The following CKAP2L variants were observed in gnomAD, a reference collection of about 807,000 sequenced individuals.
The protein encoded by CKAP2L is cytoskeleton associated protein 2L, also known as cytoskeleton-associated protein 2-like.
Under a neutral mutation model 65.7 loss-of-function variants are expected in CKAP2L, and 42 were observed. The ratio of observed to expected loss-of-function variants is 0.64; its 90% CI spans 0.50 to 0.83. The LOEUF is 0.83. Among genes scored for constraint, CKAP2L ranks in the 40% least tolerant of loss-of-function variants. The probability of loss-of-function intolerance (pLI) is 0.00; values close to 1 mark genes in which losing one functional copy is unlikely to be tolerated. For missense variants in CKAP2L, 908 were observed against 871.0 expected (o/e 1.04, Z -0.53); for synonymous variants, 325 against 313.5 (o/e 1.04, Z -0.39).
In CKAP2L at chr2:112,764,496, G is replaced by A. The variant is rs1396411557; in HGVS notation, c.37+66C>T. On this transcript the variant is annotated intron_variant, in intron 1 of 8. Coordinates refer to ENST00000302450, the MANE Select transcript of CKAP2L (RefSeq NM_152515.5). ...ACCTCCCGCGGGACGAACTCACTCG[G>A]TGGCCTCCTACTTCCCCGGCCGTGT... The A allele has an allele frequency of 1.9e-6, 3 of 1,552,406 alleles. No individual in the cohort carries two copies. The Admixed American group carries it at 5.0e-5, about 26-fold the overall frequency.
chr2:112,741,333 G>C (rs1377543980), intron 7 of CKAP2L, among the ~76,000 whole-genome samples: 1 of 151,826 alleles, frequency 6.6e-6, no homozygotes, highest in African/African-American at 2.4e-5. Context: ...CTAATCACTG[G>C]CCTTCTACCC....
At chr2:112,762,785 C>CT (rs78440426) in intron 1 of CKAP2L, among the ~76,000 whole-genome samples, 2,163 of 142,294 alleles carry the variant, frequency 0.015, 44 homozygotes, top group African/African-American at 0.049. Context: ...AAACTTACTA[C>CT]TTTTTTTTTT....
At chr2:112,740,342 AT>A (rs1679831063) in intron 8 of CKAP2L, among the ~76,000 whole-genome samples, 1 of 152,196 alleles carries the variant, frequency 6.6e-6, no homozygotes, top group South Asian at 2.1e-4. Context: ...CTACACTCAC[AT>A]TTTAGAAAAT....
intron 5 of CKAP2L, among the ~76,000 whole-genome samples, chr2:112,750,628 T>A (rs1256770154): frequency 6.6e-6 from 1 of 152,176 alleles, no homozygotes; most frequent in African/African-American, 2.4e-5. Context: ...AGGCTCCACC[T>A]CTAGAGAACC....
intron 5 of CKAP2L, among the ~76,000 whole-genome samples, chr2:112,751,032 T>A (rs1680358451): frequency 6.6e-6 from 1 of 152,102 alleles, no homozygotes; most frequent in Non-Finnish European, 1.5e-5. Flanking sequence ...TAAAGTTGAC[T>A]CAAGATATAT....
Position 112,756,638 on chromosome 2 carries a change from A to C in CKAP2L, c.733T>G (p.Phe245Val), listed in dbSNP as rs779886328. ...AVLKDRVNKQ[F>V]VGETQSRTFP... Reference sequence around the variant, plus strand: ...GTCCTGCTTTGTGTTTCTCCAACAAATTGTTTATTAACCCTATCTTTCAGA... The same window carrying C: ...GTCCTGCTTTGTGTTTCTCCAACAACTTGTTTATTAACCCTATCTTTCAGA... The change falls in exon 4 of 9, where the codon TTT becomes GTT. Residue 245 changes from phenylalanine to valine, a missense_variant. Transcript: ENST00000302450. The C allele has an allele frequency of 1.2e-5, 20 of 1,610,630 alleles. No homozygotes were observed. In the East Asian group the frequency reaches 4.5e-4, roughly 36 times the overall value.
At chr2:112,759,956 T>C (rs567619322) in intron 3 of CKAP2L, among the ~76,000 whole-genome samples, 2 of 152,208 alleles carry the variant, frequency 1.3e-5, no homozygotes, top group East Asian at 1.9e-4. Context: ...TGAAGTGATT[T>C]GGTGAATCAT....
At chr2:112,760,521 TAAAAC>T (rs1366565284) in intron 3 of CKAP2L, among the ~76,000 whole-genome samples, 187 bp downstream of exon 3, 1 of 152,208 alleles carries the variant, frequency 6.6e-6, no homozygotes, top group East Asian at 1.9e-4. Context: ...TCTTGGTTAA[TAAAAC>T]TAAACTACTT....
In CKAP2L at chr2:112,757,140, T is replaced by C; in HGVS notation, c.231A>G (p.Lys77=). Residue 77 remains lysine, a synonymous_variant, in exon 4 of 9, where the codon AAA becomes AAG. Coordinates refer to ENST00000302450, the MANE Select transcript of CKAP2L (RefSeq NM_152515.5). The part of the protein sequence containing the change: ...PVKPKRSISI[K]LQPRPPNTAG... The stretch of plus-strand genomic sequence containing the variant: ...CAGTATTAGGTGGTCTGGGCTGGAG[T>C]TTAATGCTGATGGACCTTTTAGGTT... 1 of 1,614,068 alleles carries C rather than the reference T, an allele frequency of 6.2e-7. No individual in the cohort carries two copies. The highest frequency in any genetic ancestry group is 8.5e-7 in the Non-Finnish European group (1 of 1,179,990).
intron 6 of CKAP2L, among the ~76,000 whole-genome samples, chr2:112,743,343 C>T (rs1412457924): frequency 4.6e-5 from 7 of 151,866 alleles, no homozygotes; most frequent in Admixed American, 1.3e-4. Flanking sequence ...GGGGTTTTAC[C>T]GTGTTAGCCA....
At chr2:112,761,164 C>A (rs1014896611) in intron 2 of CKAP2L, among the ~76,000 whole-genome samples, 3 of 152,054 alleles carry the variant, frequency 2.0e-5, no homozygotes, top group African/African-American at 7.2e-5. Context: ...TTAACTGCTT[C>A]TTTAAAAAAT....
In CKAP2L at chr2:112,752,314, T is replaced by C. The variant is rs36046436; in HGVS notation, c.1555A>G (p.Ser519Gly). Reference protein sequence around the residue: ...EEKKAQLELSSKINNTLTECL... With the variant: ...EEKKAQLELSGKINNTLTECL... ...TCTGTCAGAGTGTTGTTAATTTTAC[T>C]GGACAGTTCGAGTTGTGCTTTCTTT... The change falls in exon 5 of 9, where the codon AGT (serine) becomes GGT (glycine). Residue 519 changes from serine to glycine, a missense_variant. Coordinates refer to ENST00000302450, the MANE Select transcript of CKAP2L (RefSeq NM_152515.5). 2.5e-3 allele frequency: 4,052 copies of C among 1,614,008 alleles called. 96 individuals are homozygous for C. The African/African-American group carries it at 0.049, about 20-fold the overall frequency.
In CKAP2L at chr2:112,738,942, G is replaced by T. The variant is rs1357746442; in HGVS notation, c.2119C>A (p.His707Asn). 1.9e-6 allele frequency: 3 copies of T among 1,614,004 alleles called. No individual in the cohort carries two copies. The highest frequency in any genetic ancestry group is 2.5e-6 in the Non-Finnish European group (3 of 1,180,000). ...VSRYPEMLQE[H>N]DLVVASLDEL... ...TCAAGAGAAGCCACTACTAAATCGT[G>T]TTCCTGCAGCATTTCTGGGTAGCGG... Residue 707 changes from histidine (H) to asparagine (N), a missense_variant, in exon 9 of 9, where the codon CAC (histidine) becomes AAC (asparagine). His to Asn is a moderately conservative substitution (Grantham distance 68). Transcript: ENST00000302450.
chr2:112,755,976 C>T lies in CKAP2L; in HGVS notation c.1394+1G>A. ...AAAAGCTTAGAATTAAAGCAAAGTA[C>T]CTTCGATCCTCTGCTGTTGCCTTCT... On this transcript the variant is annotated splice_donor_variant, in intron 4 of 8. Transcript: ENST00000302450. LOFTEE classifies it high-confidence loss of function. 1 of 1,555,946 alleles carries T rather than the reference C, an allele frequency of 6.4e-7. No individual in the cohort carries two copies. The highest frequency in any genetic ancestry group is 8.7e-7 in the Non-Finnish European group (1 of 1,155,924).
chr2:112,749,981 G>A (rs1680316847), intron 5 of CKAP2L, among the ~76,000 whole-genome samples: 1 of 152,054 alleles, frequency 6.6e-6, no homozygotes, highest in Non-Finnish European at 1.5e-5. Flanking sequence ...CCCCCTCAGA[G>A]CCCACCTCCC....
At position 112,764,574 on chromosome 2, in the gene CKAP2L, C is replaced by T. The variant is rs1171515710; in HGVS notation, c.25G>A (p.Ala9Thr). 2 of 1,614,180 alleles carry T rather than the reference C, an allele frequency of 1.2e-6. No homozygotes were observed. The highest frequency in any genetic ancestry group is 8.5e-7 in the Non-Finnish European group (1 of 1,180,016). ...CGGTCGTACTCACCGACAGCGGCAGCAGCGGTAGGCCCGGGCCCCACCATG... is the reference window on the plus strand; with the variant it reads ...CGGTCGTACTCACCGACAGCGGCAGTAGCGGTAGGCCCGGGCCCCACCATG... MVGPGPTA[A>T]AAVEERQRKL... Residue 9 changes from alanine (A) to threonine (T), a missense_variant, in exon 1 of 9, where the codon GCT (alanine) becomes ACT (threonine). Coordinates refer to ENST00000302450, the MANE Select transcript of CKAP2L (RefSeq NM_152515.5).
chr2:112,743,071 A>G (rs888576156), intron 6 of CKAP2L, among the ~76,000 whole-genome samples: 2 of 152,210 alleles, frequency 1.3e-5, no homozygotes, highest in Non-Finnish European at 2.9e-5. Context: ...ATACTGTCAA[A>G]TATGTATTCC....
At chr2:112,740,796 G>C (rs760025632) in intron 8 of CKAP2L, 22 bp downstream of exon 8, 1 of 1,574,906 alleles carries the variant, frequency 6.3e-7, no homozygotes, top group Non-Finnish European at 8.7e-7. Flanking sequence ...TGAACACAAA[G>C]TCTGCTTTAG....
Position 112,756,783 on chromosome 2 carries a change from C to T in CKAP2L, c.588G>A (p.Glu196=), listed in dbSNP as rs1372372363. 1.2e-6 allele frequency: 2 copies of T among 1,603,648 alleles called. No homozygotes were observed. The highest frequency in any genetic ancestry group is 1.7e-6 in the Non-Finnish European group (2 of 1,177,100). The change falls in exon 4 of 9, where the codon GAG becomes GAA. Residue 196 remains glutamate (E), a synonymous_variant. Transcript: ENST00000302450. ...TATATAATTTAGGATCTGGCTTCCTCTCAGGTTCTGTTAAGATATCGAGCA... is the reference window on the plus strand; with the variant it reads ...TATATAATTTAGGATCTGGCTTCCTTTCAGGTTCTGTTAAGATATCGAGCA... ...ENLLDILTEP[E]RKPDPKLYTR...
Sources: allele counts gnomAD v4.1 joint callset (sites outside exome capture counted in the v4.1 genomes callset), GRCh38; gene constraint gnomAD v4.1.1; transcripts MANE v1.5; gene names NCBI Gene and HGNC (gene_info 2026-07-23, HGNC 2026-07-21).